The following ITPR2 variants were observed in gnomAD, a reference collection of about 807,000 sequenced individuals.
The protein encoded by ITPR2 is inositol 1,4,5-trisphosphate receptor type 2, also known as inositol 1,4,5-trisphosphate-gated calcium channel ITPR2.
Under a neutral mutation model 317.1 loss-of-function variants are expected in ITPR2, and 207 were observed. The ratio of observed to expected loss-of-function variants is 0.65; its 90% confidence interval spans 0.58 to 0.73. The LOEUF (loss-of-function observed/expected upper bound fraction) is 0.73, where lower values mean the gene tolerates loss of function less well. Ranked by LOEUF, ITPR2 falls within the 30% of genes least tolerant of loss-of-function variation. The pLI, the probability that ITPR2 is intolerant of heterozygous loss-of-function variation, is 0.00. For synonymous variants in ITPR2, 1,156 were observed against 1,149.1 expected (o/e 1.01, Z -0.12); for missense variants, 2,613 against 3,284.0 (o/e 0.80, Z 4.99).
intron 32 of ITPR2, among the ~76,000 whole-genome samples, chr12:26,583,565 G>T (rs571216166): frequency 6.6e-6 from 1 of 152,130 alleles, no homozygotes; most frequent in East Asian, 1.9e-4. Flanking sequence ...TTTTATTCTA[G>T]TTTTTAACTC....
intron 8 of ITPR2, among the ~76,000 whole-genome samples, chr12:26,711,930 G>C (rs1219765567): frequency 6.6e-6 from 1 of 152,174 alleles, no homozygotes; most frequent in African/African-American, 2.4e-5. Flanking sequence ...TTCCATGCAT[G>C]CTTTTTATTG....
chr12:26,527,269 T>C lies in ITPR2; in HGVS notation c.5073+22978A>G, dbSNP rs567624573. 1.5e-4 allele frequency among the ~76,000 whole-genome samples: 23 copies of C among 152,364 alleles called. 1 individual carries two copies. The highest frequency in any genetic ancestry group is 5.0e-4 in the African/African-American group (21 of 41,590). Reference sequence around the variant, plus strand: ...TCTATACTGGAGTACAAACTTCTTGTGTCCAGACAACTTATACTTCTTGGT... The same window carrying C: ...TCTATACTGGAGTACAAACTTCTTGCGTCCAGACAACTTATACTTCTTGGT... On this transcript the variant is annotated intron_variant, in intron 37 of 56. Coordinates refer to ENST00000381340, the MANE Select transcript of ITPR2 (RefSeq NM_002223.4).
chr12:26,795,106 C>T (rs1262833622), intron 1 of ITPR2, among the ~76,000 whole-genome samples: 1 of 152,162 alleles, frequency 6.6e-6, no homozygotes, highest in Non-Finnish European at 1.5e-5. Context: ...ATTTTATAAA[C>T]ATCATTAATT....
At chr12:26,633,792 G>A (rs934575986) in intron 21 of ITPR2, among the ~76,000 whole-genome samples, 10 of 152,134 alleles carry the variant, frequency 6.6e-5, no homozygotes, top group African/African-American at 2.4e-4. Flanking sequence ...GTATGTATAC[G>A]TGTTTGCCTC....
At chr12:26,704,851 T>C (rs1215640204) in intron 9 of ITPR2, among the ~76,000 whole-genome samples, 1 of 152,174 alleles carries the variant, frequency 6.6e-6, no homozygotes, top group Non-Finnish European at 1.5e-5. Flanking sequence ...GGGATTTTTT[T>C]CCCACTATGC....
At chr12:26,559,371 C>G (rs1944750789) in intron 35 of ITPR2, among the ~76,000 whole-genome samples, 1 of 152,204 alleles carries the variant, frequency 6.6e-6, no homozygotes, top group South Asian at 2.1e-4. Flanking sequence ...TCTCATAGTT[C>G]TGGAGGCTGC....
At position 26,737,290 on chromosome 12, in the gene ITPR2, G is replaced by A. The variant is rs575288583; in HGVS notation, c.164-11525C>T. On this transcript the variant is annotated intron_variant, in intron 2 of 56. Coordinates refer to ENST00000381340, the MANE Select transcript of ITPR2 (RefSeq NM_002223.4). ...TTTCTTTTTTTTAATACGGAGCCTC[G>A]CTCTGTCACCCAGGCTGGAGAACGG... Among the ~76,000 whole-genome samples the A allele has an allele frequency of 2.7e-5, 4 of 149,658 alleles. No homozygotes were observed. The East Asian group carries it at 7.9e-4, about 29-fold the overall frequency.
intron 2 of ITPR2, among the ~76,000 whole-genome samples, chr12:26,784,230 ACAGTTTCTCTTT>A (rs1950147844): frequency 6.6e-6 from 1 of 150,740 alleles, no homozygotes; most frequent in Admixed American, 6.6e-5. Flanking sequence ...TCCAATGTTT[ACAGTTTCTCTTT>A]TAAAAATGGA....
At chr12:26,747,176 A>G (rs1949338767) in intron 2 of ITPR2, among the ~76,000 whole-genome samples, 1 of 152,188 alleles carries the variant, frequency 6.6e-6, no homozygotes. Context: ...AAGAAAAAGT[A>G]TTCATGAAAT....
intron 23 of ITPR2, 112 bp from the exon 24 acceptor site, chr12:26,624,468 G>A (rs1591973882): frequency 1.2e-5 from 9 of 722,124 alleles, no homozygotes; most frequent in South Asian, 6.3e-5. Flanking sequence ...TTCTTTATTC[G>A]ACCAAAAGTC....
chr12:26,730,904 A>G (rs905144311), intron 2 of ITPR2, among the ~76,000 whole-genome samples: 1 of 152,208 alleles, frequency 6.6e-6, no homozygotes, highest in Non-Finnish European at 1.5e-5. Flanking sequence ...ACATGAGTCC[A>G]TGGAAATCTG....
intron 2 of ITPR2, among the ~76,000 whole-genome samples, chr12:26,754,109 A>C (rs568963011): frequency 6.6e-6 from 1 of 152,346 alleles, no homozygotes; most frequent in Non-Finnish European, 1.5e-5. Context: ...TAAAAGGTAT[A>C]ATGCCTTTTA....
intron 37 of ITPR2, among the ~76,000 whole-genome samples, chr12:26,510,096 T>C (rs1810750566): frequency 6.6e-6 from 1 of 151,514 alleles, no homozygotes; most frequent in African/African-American, 2.4e-5. Context: ...GAAGAGACAT[T>C]CAAAATGTTG....
At chr12:26,371,071 G>A (rs1252887630) in intron 55 of ITPR2, among the ~76,000 whole-genome samples, 1 of 152,186 alleles carries the variant, frequency 6.6e-6, no homozygotes, top group Non-Finnish European at 1.5e-5. Flanking sequence ...CAGGGACCAG[G>A]ATATCATTGC....
intron 1 of ITPR2, among the ~76,000 whole-genome samples, chr12:26,812,513 A>C (rs1011124153): frequency 2.0e-5 from 3 of 152,138 alleles, no homozygotes; most frequent in Non-Finnish European, 4.4e-5. Flanking sequence ...CGTGAGGCGG[A>C]GCTTGCAGTG....
At chr12:26,480,416 A>C (rs916204962) in intron 43 of ITPR2, among the ~76,000 whole-genome samples, 2 of 152,234 alleles carry the variant, frequency 1.3e-5, no homozygotes, top group African/African-American at 4.8e-5. Flanking sequence ...AAAGAAGAGA[A>C]CCATAAAAAT....
intron 52 of ITPR2, among the ~76,000 whole-genome samples, chr12:26,410,216 T>C (rs1159734344): frequency 2.0e-5 from 3 of 152,232 alleles, no homozygotes; most frequent in Admixed American, 2.0e-4. Flanking sequence ...AATAATGCTA[T>C]ACGAGTCAAG....
At chr12:26,446,745 A>C (rs1236860106) in intron 45 of ITPR2, among the ~76,000 whole-genome samples, 1 of 151,172 alleles carries the variant, frequency 6.6e-6, no homozygotes, top group African/African-American at 2.4e-5. Context: ...AAAAAAAAAA[A>C]AAAACACCCA....
At chr12:26,803,156 C>T (rs936333969) in intron 1 of ITPR2, among the ~76,000 whole-genome samples, 4 of 152,140 alleles carry the variant, frequency 2.6e-5, no homozygotes, top group African/African-American at 4.8e-5. Context: ...CTCACCCATC[C>T]TCCAGAGGCT....
Sources: allele counts gnomAD v4.1 joint callset (sites outside exome capture counted in the v4.1 genomes callset), GRCh38; gene constraint gnomAD v4.1.1; transcripts MANE v1.5; gene names NCBI Gene and HGNC (gene_info 2026-07-23, HGNC 2026-07-21).